Variants in AP2A2 observed in about 807,000 individuals in gnomAD.
The protein encoded by AP2A2 is AP-2 complex subunit alpha-2.
AP2A2 carries 32 observed loss-of-function variants against 104.2 expected under a neutral mutation model. The ratio of observed to expected loss-of-function variants is 0.31; its 90% CI spans 0.23 to 0.41. AP2A2 has a LOEUF of 0.41. Among genes scored for constraint, AP2A2 ranks in the 10% least tolerant of loss-of-function variants. The probability of loss-of-function intolerance (pLI) is 1.00; values close to 1 mark genes in which losing one functional copy is unlikely to be tolerated. For missense variants in AP2A2, 912 were observed against 1,261.0 expected (o/e 0.72, Z 4.19); for synonymous variants, 539 against 533.3 (o/e 1.01, Z -0.15).
intron 1 of AP2A2, among the ~76,000 whole-genome samples, chr11:928,997 G>A (rs1005075541): frequency 2.0e-5 from 3 of 152,170 alleles, no homozygotes; most frequent in East Asian, 1.9e-4. Flanking sequence ...CATGGCGAGC[G>A]TCTGGCATGC....
chr11:998,088 A>G (rs978134517), intron 14 of AP2A2, among the ~76,000 whole-genome samples: 17 of 152,232 alleles, frequency 1.1e-4, no homozygotes, highest in African/African-American at 4.1e-4. Flanking sequence ...TGGAGGCCAC[A>G]GTGTTGGCGG....
intron 1 of AP2A2, among the ~76,000 whole-genome samples, chr11:926,922 A>G (rs1401039159): frequency 1.3e-5 from 2 of 152,170 alleles, no homozygotes; most frequent in Non-Finnish European, 2.9e-5. Flanking sequence ...CGGTCCACCA[A>G]TTAATTTGAC....
intron 3 of AP2A2, among the ~76,000 whole-genome samples, chr11:971,108 G>A (rs1188287363): frequency 6.6e-6 from 1 of 152,254 alleles, no homozygotes; most frequent in Non-Finnish European, 1.5e-5. Flanking sequence ...CATTTGTGGA[G>A]TGCCTGTGGT....
intron 1 of AP2A2, among the ~76,000 whole-genome samples, chr11:951,650 C>T (rs1564789224): frequency 2.6e-5 from 4 of 152,182 alleles, no homozygotes; most frequent in Admixed American, 1.3e-4. Context: ...GATGGCACAC[C>T]CATTTGAAGA....
intron 1 of AP2A2, among the ~76,000 whole-genome samples, chr11:927,098 G>C (rs1165871586): frequency 6.6e-6 from 1 of 152,110 alleles, no homozygotes; most frequent in Non-Finnish European, 1.5e-5. Flanking sequence ...ACAGGGTCTT[G>C]CTCTGGCTCT....
intron 1 of AP2A2, among the ~76,000 whole-genome samples, chr11:945,468 G>C (rs1177859881): frequency 6.6e-6 from 1 of 152,106 alleles, no homozygotes; most frequent in African/African-American, 2.4e-5. Flanking sequence ...CGAGTAGCTG[G>C]GATTATGAGT....
intron 14 of AP2A2, among the ~76,000 whole-genome samples, chr11:997,886 C>A (rs1354222469): frequency 2.0e-5 from 3 of 152,162 alleles, no homozygotes; most frequent in African/African-American, 7.2e-5. Context: ...GCCTGGGTAA[C>A]AGAGTGAGAC....
Position 992,436 on chromosome 11 carries a change from A to T in AP2A2, c.1270-67A>T. The T allele has an allele frequency of 2.0e-6, 3 of 1,497,782 alleles. No homozygotes were observed. Among genetic ancestry groups the T allele is most frequent in the South Asian group, 2.4e-5 (2 of 83,058 alleles). 92.8% of individuals were successfully genotyped at this position (1,497,782 alleles called of 1,614,324 possible). ...TCTGAAACTCTCACTTTGACTTTGGACGACAGTTTGGTCTTGGGATTGCCA... is the reference window on the plus strand; with the variant it reads ...TCTGAAACTCTCACTTTGACTTTGGTCGACAGTTTGGTCTTGGGATTGCCA... On this transcript the variant is annotated intron_variant, in intron 10 of 21. Coordinates refer to ENST00000448903, the MANE Select transcript of AP2A2 (RefSeq NM_012305.4). The surrounding 1 kb of genome is among the most constrained non-coding windows in gnomAD (Gnocchi z 6.4).
intron 5 of AP2A2, 67 bp from the exon 6 acceptor site, chr11:981,131 G>C (rs1855222479): frequency 1.4e-6 from 2 of 1,392,610 alleles, no homozygotes. Flanking sequence ...GGTTTTCTTT[G>C]GAAGATGAGT....
At chr11:971,337 G>C (rs1326337168) in intron 3 of AP2A2, among the ~76,000 whole-genome samples, 1 of 152,238 alleles carries the variant, frequency 6.6e-6, no homozygotes, top group African/African-American at 2.4e-5. Context: ...GAGCAGAGCA[G>C]GTGGTGCCTG....
chr11:951,163 C>T (rs1854039334), intron 1 of AP2A2, among the ~76,000 whole-genome samples: 1 of 151,594 alleles, frequency 6.6e-6, no homozygotes, highest in South Asian at 2.1e-4. Flanking sequence ...GTTCAATAAG[C>T]ATATAAAAGC....
chr11:1,006,847 G>A (rs1281970793), intron 17 of AP2A2: 8 of 538,534 alleles, frequency 1.5e-5, no homozygotes, highest in Middle Eastern at 4.6e-4. Flanking sequence ...TAAAAATACC[G>A]TGTACATGCC....
chr11:1,001,143 G>C (rs1856017871), intron 15 of AP2A2, among the ~76,000 whole-genome samples: 1 of 152,174 alleles, frequency 6.6e-6, no homozygotes, highest in South Asian at 2.1e-4. Context: ...TTTGCTGCTT[G>C]TCCTGCTCTA....
rs1255272043 is a variant in AP2A2 at position 1,009,747 on chromosome 11, C to G, written c.2672C>G (p.Ala891Gly). ...VDPNPANFVG[A>G]GIIHTKTTQI... The stretch of plus-strand genomic sequence containing the variant: ...CCTAATCCTGCGAATTTCGTGGGAG[C>G]TGGAATCATCCACACGAAAACCACC... The change falls in exon 21 of 22, where the codon GCT becomes GGT. Residue 891 changes from alanine (A) to glycine (G), a missense_variant. This residue lies in a region of AP2A2 where 239 missense variants were observed against 329.8 expected (regional missense o/e 0.72). Transcript: ENST00000448903. 6.4e-7 allele frequency: 1 copy of G among 1,554,818 alleles called. No individual in the cohort carries two copies.
At chr11:985,280 G>T (rs1354340602) in intron 7 of AP2A2, 155 bp from the exon 8 acceptor site, 2 of 1,021,374 alleles carry the variant, frequency 2.0e-6, no homozygotes, top group East Asian at 5.2e-5. Flanking sequence ...ACCGTGCCCG[G>T]CCTGTCTCAG....
chr11:992,691 G>A lies in AP2A2; in HGVS notation c.1452+6G>A, dbSNP rs10902263. On this transcript the variant is annotated splice_donor_region_variant and intron_variant, in intron 11 of 21. Coordinates refer to ENST00000448903, the MANE Select transcript of AP2A2 (RefSeq NM_012305.4). This position sits in a 1 kb window ranked among gnomAD's most constrained non-coding sequence, Gnocchi z 6.4. Reference sequence around the variant, plus strand: ...CGGCCAAGACTGTGTTCGAGGTATGGCCCGCAGGATGGCAGGAAGGATGGG... The same window carrying A: ...CGGCCAAGACTGTGTTCGAGGTATGACCCGCAGGATGGCAGGAAGGATGGG... 1.2e-6 allele frequency: 2 copies of A among 1,613,328 alleles called. No individual in the cohort carries two copies. The highest frequency in any genetic ancestry group is 4.5e-5 in the East Asian group (2 of 44,862).
chr11:964,806 AAATG>A (rs1854560077), intron 2 of AP2A2, among the ~76,000 whole-genome samples: 4 of 135,920 alleles, frequency 2.9e-5, no homozygotes, highest in Admixed American at 1.6e-4. Context: ...GGAAGCGTGG[AAATG>A]GAAAGCATGG....
rs1388747309 is a variant in AP2A2 at position 972,136 on chromosome 11, T to C, written c.354T>C (p.Asn118=). The change falls in exon 4 of 22, where the codon AAT becomes AAC. Residue 118 remains asparagine (N), a synonymous_variant. Transcript: ENST00000448903. ...LIRLINNAIK[N]DLASRNPTFM... is the part of the protein sequence containing the mutation. ...GCCTGATCAACAACGCCATCAAGAA[T>C]GACCTGGCCAGCCGCAACCCCACCT... The C allele has an allele frequency of 1.2e-6, 2 of 1,613,616 alleles. No individual in the cohort carries two copies. The highest frequency in any genetic ancestry group is 1.7e-6 in the Non-Finnish European group (2 of 1,179,780).
In AP2A2 at chr11:1,003,773, T is replaced by A. The variant is rs751514455; in HGVS notation, c.2175T>A (p.Ile725=). 2 of 1,607,554 alleles carry A rather than the reference T, an allele frequency of 1.2e-6. No individual in the cohort carries two copies. The highest frequency in any genetic ancestry group is 8.5e-7 in the Non-Finnish European group (1 of 1,177,268). Residue 725 remains isoleucine, a synonymous_variant, in exon 16 of 22, where the codon ATT becomes ATA. Coordinates refer to ENST00000448903, the MANE Select transcript of AP2A2 (RefSeq NM_012305.4). ...GVLFENQLLQ[I]GLKSEFRQNL... The stretch of plus-strand genomic sequence containing the variant: ...TGTTTGAAAACCAGCTGCTTCAAAT[T>A]GGACTTAAGTCTGAATTTCGGCAGA...
Sources: allele counts gnomAD v4.1 joint callset (sites outside exome capture counted in the v4.1 genomes callset), GRCh38; gene constraint gnomAD v4.1.1; regional missense constraint gnomAD v4.1.1; non-coding constraint Gnocchi (gnomAD v3.1); transcripts MANE v1.5; gene names NCBI Gene and HGNC (gene_info 2026-07-23, HGNC 2026-07-21).